The following TNIK variants were observed in gnomAD, a reference collection of about 807,000 sequenced individuals.
TNIK encodes the protein TRAF2 and NCK interacting kinase.
A neutral mutation model predicts 191.3 loss-of-function variants in TNIK; 49 were observed. The observed-to-expected ratio is 0.26, with a 90% CI of 0.20 to 0.32. The LOEUF (loss-of-function observed/expected upper bound fraction) is 0.32, where lower values mean the gene tolerates loss of function less well. Among genes scored for constraint, TNIK ranks in the 10% least tolerant of loss-of-function variants. TNIK has a pLI of 1.00. For missense variants in TNIK, 1,155 were observed against 1,702.3 expected (o/e 0.68, Z 5.66); for synonymous variants, 594 against 600.9 (o/e 0.99, Z 0.17).
At chr3:171,157,199 G>A (rs1479384132) in intron 12 of TNIK, among the ~76,000 whole-genome samples, 3 of 152,340 alleles carry the variant, frequency 2.0e-5, no homozygotes, top group South Asian at 2.1e-4. Context: ...AGCTGAGAAG[G>A]TGCTGAGAAG....
chr3:171,066,717 G>A lies in TNIK; in HGVS notation c.3718C>T (p.Pro1240Ser), dbSNP rs1718484459. The A allele has an allele frequency of 6.2e-7, 1 of 1,613,668 alleles. No homozygotes were observed. Among genetic ancestry groups the A allele is most frequent in the East Asian group, 2.2e-5 (1 of 44,862 alleles). Residue 1240 changes from proline to serine, a missense_variant, in exon 31 of 33, where the codon CCT becomes TCT. By Grantham distance (74) the Pro-to-Ser change is moderately conservative. Transcript: ENST00000436636. Reference sequence around the variant, plus strand: ...TTAGGCAAGATGACAATAGCATGAGGAGTGATATTGCCCTGAATCTAGAAG... The same window carrying A: ...TTAGGCAAGATGACAATAGCATGAGAAGTGATATTGCCCTGAATCTAGAAG... Reference protein sequence around the residue: ...IPSHIQGNITPHAIVILPKTD... With the variant: ...IPSHIQGNITSHAIVILPKTD...
At chr3:171,214,232 C>G (rs951908684) in intron 3 of TNIK, among the ~76,000 whole-genome samples, 5 of 151,626 alleles carry the variant, frequency 3.3e-5, no homozygotes, top group African/African-American at 1.2e-4. Context: ...CTAGATGAGA[C>G]AAGAACTCAT....
At chr3:171,370,665 G>A (rs1716360591) in intron 1 of TNIK, among the ~76,000 whole-genome samples, 1 of 152,154 alleles carries the variant, frequency 6.6e-6, no homozygotes, top group South Asian at 2.1e-4. Flanking sequence ...GGCAACCCGA[G>A]CCTCCTTGAG....
chr3:171,202,359 G>A lies in TNIK; in HGVS notation c.307-7724C>T, dbSNP rs139523074. ...AGAAGAATGTGGGGTGAGGAATGGT[G>A]AGCCAGTTTTCAGACAGGTTGAAAA... On this transcript the variant is annotated intron_variant, in intron 4 of 32. Coordinates refer to ENST00000436636, the MANE Select transcript of TNIK (RefSeq NM_015028.4). 4.7e-3 allele frequency among the ~76,000 whole-genome samples: 709 copies of A among 152,246 alleles called. 7 individuals carry two copies. Among genetic ancestry groups the A allele is most frequent in the African/African-American group, 0.016 (665 of 41,526 alleles).
chr3:171,139,577 G>T, intron 13 of TNIK, 21 bp from the exon 14 acceptor site: 1 of 1,610,178 alleles, frequency 6.2e-7, no homozygotes. Context: ...AGGCAGCAGA[G>T]AATTCAGAGG....
In TNIK at chr3:171,380,992, G is replaced by T. The variant is rs536778636; in HGVS notation, c.58-11307C>A. 2.0e-5 allele frequency among the ~76,000 whole-genome samples: 3 copies of T among 152,316 alleles called. No homozygotes were observed. In the South Asian group the frequency reaches 6.2e-4, roughly 32 times the overall value. The stretch of plus-strand genomic sequence containing the variant: ...ACTTGGTGTCACCAGTAATGGTACA[G>T]ATGGCTGACCAATACCAACTCTTAT... On this transcript the variant is annotated intron_variant, in intron 1 of 32. Coordinates refer to ENST00000436636, the MANE Select transcript of TNIK (RefSeq NM_015028.4).
chr3:171,412,726 A>T (rs1235167911), intron 1 of TNIK, among the ~76,000 whole-genome samples: 1 of 152,218 alleles, frequency 6.6e-6, no homozygotes, highest in Non-Finnish European at 1.5e-5. Flanking sequence ...TAACTCTGCC[A>T]ATTACTGTGC....
At chr3:171,133,135 A>C (rs1289210633) in intron 15 of TNIK, among the ~76,000 whole-genome samples, 5 of 152,250 alleles carry the variant, frequency 3.3e-5, no homozygotes, top group Non-Finnish European at 7.3e-5. Context: ...ACTCTCATTC[A>C]TAAGGAATGC....
intron 29 of TNIK, 114 bp from the exon 30 acceptor site, chr3:171,069,111 G>A: frequency 7.6e-7 from 1 of 1,322,962 alleles, no homozygotes; most frequent in Non-Finnish European, 1.0e-6. Context: ...TGAAAAACTA[G>A]AAAATTTCTC....
chr3:171,440,046 A>G (rs1224844499), intron 1 of TNIK, among the ~76,000 whole-genome samples: 1 of 152,084 alleles, frequency 6.6e-6, no homozygotes, highest in Non-Finnish European at 1.5e-5. Flanking sequence ...AGTGTCCATG[A>G]TTTTTCTCTC....
intron 2 of TNIK, among the ~76,000 whole-genome samples, chr3:171,325,322 G>GACTAGTA (rs1381202192): frequency 6.6e-6 from 1 of 152,022 alleles, no homozygotes; most frequent in Non-Finnish European, 1.5e-5. Flanking sequence ...GCTGACTAGT[G>GACTAGTA]GCTACGTCTA....
intron 22 of TNIK, among the ~76,000 whole-genome samples, chr3:171,099,994 A>G (rs147817601): frequency 5.9e-5 from 9 of 152,316 alleles, no homozygotes; most frequent in Admixed American, 2.0e-4. Flanking sequence ...CTTTTGGAAG[A>G]CAAAATCCAA....
chr3:171,367,009 T>C (rs111272055), intron 2 of TNIK, among the ~76,000 whole-genome samples: 3,409 of 152,286 alleles, frequency 0.022, 146 homozygotes, highest in African/African-American at 0.079. Flanking sequence ...GAACTGTGAG[T>C]CAGTTAAACC....
chr3:171,272,029 A>G (rs1030276668), intron 2 of TNIK, among the ~76,000 whole-genome samples: 4 of 152,236 alleles, frequency 2.6e-5, no homozygotes, highest in Non-Finnish European at 5.9e-5. Context: ...AGTTCAGGAA[A>G]CTGGGTCCAT....
In TNIK at chr3:171,085,193, G is replaced by A; in HGVS notation, c.2923C>T (p.Pro975Ser). Residue 975 changes from proline to serine, a missense_variant, in exon 25 of 33, where the codon CCC (proline) becomes TCC (serine). Around this residue, in one of 3 missense-constraint regions of TNIK, gnomAD observed 735 missense variants for 848.0 expected, o/e 0.87. Coordinates refer to ENST00000436636, the MANE Select transcript of TNIK (RefSeq NM_015028.4). The stretch of plus-strand genomic sequence containing the variant: ...TGGTATACTCTGGGGTCCACAAAGG[G>A]GGTGAAGGAGGCTTTGGTGCTGCTC... ...MGSSTKASFTPFVDPRVYQTS... is the reference protein window; with the variant it reads ...MGSSTKASFTSFVDPRVYQTS... 1.9e-6 allele frequency: 3 copies of A among 1,611,476 alleles called. No individual in the cohort carries two copies. The highest frequency in any genetic ancestry group is 2.5e-6 in the Non-Finnish European group (3 of 1,178,816).
intron 2 of TNIK, among the ~76,000 whole-genome samples, chr3:171,329,668 G>T (rs1343077737): frequency 6.6e-6 from 1 of 152,194 alleles, no homozygotes; most frequent in Non-Finnish European, 1.5e-5. Context: ...ATTTATGCCA[G>T]TCATTAGCTA....
At chr3:171,322,257 C>T (rs1012347967) in intron 2 of TNIK, among the ~76,000 whole-genome samples, 5 of 152,078 alleles carry the variant, frequency 3.3e-5, no homozygotes, top group Non-Finnish European at 7.4e-5. Context: ...GAAGCAGGCT[C>T]AGTGTTTTCT....
chr3:171,444,790 T>G (rs901168488), intron 1 of TNIK, among the ~76,000 whole-genome samples: 3 of 152,196 alleles, frequency 2.0e-5, no homozygotes, highest in African/African-American at 7.2e-5. Flanking sequence ...ATGAAAAAGT[T>G]GCACTTACCA....
In TNIK at chr3:171,125,630, A is replaced by G. The variant is rs140876249; in HGVS notation, c.2013+282T>C. 6.3e-3 allele frequency among the ~76,000 whole-genome samples: 966 copies of G among 152,310 alleles called. 10 individuals carry two copies. The highest frequency in any genetic ancestry group is 0.022 in the African/African-American group (911 of 41,566). On this transcript the variant is annotated intron_variant, in intron 17 of 32. Coordinates refer to ENST00000436636, the MANE Select transcript of TNIK (RefSeq NM_015028.4). ...TTTATTTGTTAATATGGATAGCAAA[A>G]TGACAGTTTGGAATACTTGGTGTTG...
Sources: gnomAD v4.1 joint callset for allele counts (sites outside exome capture counted in the v4.1 genomes callset) on GRCh38, gnomAD v4.1.1 for gene constraint, gnomAD v4.1.1 regional missense constraint, MANE v1.5 for transcripts, NCBI Gene and HGNC (gene_info 2026-07-23, HGNC 2026-07-21) for gene names.